NELL2: variants seen among roughly 807,000 people sequenced by gnomAD.
NELL2 encodes the protein protein kinase C-binding protein NELL2.
In NELL2, 41 loss-of-function variants were observed where a neutral mutation model predicts 109.6. The observed-to-expected ratio is 0.37, with a 90% confidence interval of 0.29 to 0.49. The LOEUF (loss-of-function observed/expected upper bound fraction) is 0.49, where lower values mean the gene tolerates loss of function less well. Ranked by LOEUF, NELL2 falls within the 20% of genes least tolerant of loss-of-function variation. NELL2 has a pLI of 0.98. For missense variants in NELL2, 900 were observed against 1,008.3 expected (o/e 0.89, Z 1.45); for synonymous variants, 355 against 344.7 (o/e 1.03, Z -0.33).
At position 44,736,114 on chromosome 12, in the gene NELL2, C is replaced by T. The variant is rs113241759; in HGVS notation, c.995-21373G>A. 9.3e-5 allele frequency among the ~76,000 whole-genome samples: 14 copies of T among 151,028 alleles called. No individual in the cohort carries two copies. The East Asian group carries it at 9.8e-4, about 11-fold the overall frequency. On this transcript the variant is annotated intron_variant, in intron 9 of 19. Transcript: ENST00000429094. ...CAAGCTCCGCCTCCCGGGTTCACGCCATTCTCCTGCCTCAGCCTCCCGAGT... is the reference window on the plus strand; with the variant it reads ...CAAGCTCCGCCTCCCGGGTTCACGCTATTCTCCTGCCTCAGCCTCCCGAGT...
At chr12:44,894,464 A>G (rs762820232) in intron 1 of NELL2, among the ~76,000 whole-genome samples, 1 of 152,224 alleles carries the variant, frequency 6.6e-6, no homozygotes, top group Non-Finnish European at 1.5e-5. Flanking sequence ...TTCAAACTCC[A>G]TCTTTAATCT....
intron 9 of NELL2, among the ~76,000 whole-genome samples, chr12:44,721,566 AG>A (rs1938773103): frequency 6.6e-6 from 1 of 152,184 alleles, no homozygotes; most frequent in African/African-American, 2.4e-5. Context: ...CCACCAACCC[AG>A]TGAATTTGGT....
chr12:44,887,636 T>TTGTGTGTGTGTGTGTG (rs141640366), intron 1 of NELL2, among the ~76,000 whole-genome samples: 45 of 149,236 alleles, frequency 3.0e-4, no homozygotes, highest in African/African-American at 1.1e-3. Context: ...GGGGGGATTA[T>TTGTGTGTGTGTGTGTG]TGTGTGTGTG....
intron 13 of NELL2, among the ~76,000 whole-genome samples, chr12:44,620,110 G>T (rs866312814): frequency 1.4e-5 from 2 of 144,252 alleles, no homozygotes; most frequent in South Asian, 4.4e-4. Context: ...ATTCTTGTTC[G>T]CCTGGGTTTT....
At chr12:44,526,271 G>A (rs1487454183) in intron 16 of NELL2, among the ~76,000 whole-genome samples, 2 of 152,102 alleles carry the variant, frequency 1.3e-5, no homozygotes, top group Non-Finnish European at 2.9e-5. Context: ...CTTGGTTCAG[G>A]CAAAAGATGA....
chr12:44,774,647 C>G, intron 9 of NELL2, 100 bp downstream of exon 9: 2 of 908,978 alleles, frequency 2.2e-6, no homozygotes, highest in Non-Finnish European at 3.6e-6. Context: ...CTTCTGAAAG[C>G]TATTTAGCTT....
rs189324585 is a variant in NELL2 at position 44,892,572 on chromosome 12, C to A, written c.39-16672G>T. 1.7e-3 allele frequency among the ~76,000 whole-genome samples: 258 copies of A among 151,986 alleles called. 1 individual carries two copies. The highest frequency in any genetic ancestry group is 5.7e-3 in the African/African-American group (238 of 41,466). The stretch of plus-strand genomic sequence containing the variant: ...CAGCACTTTGGGAGGCCGAGGCAGG[C>A]AGATCACGAGGTCAGGAGATCAAGA... On this transcript the variant is annotated intron_variant, in intron 1 of 20. Transcript: ENST00000333837.
At chr12:44,853,735 T>C (rs1458961440) in intron 2 of NELL2, among the ~76,000 whole-genome samples, 1 of 152,216 alleles carries the variant, frequency 6.6e-6, no homozygotes, top group African/African-American at 2.4e-5. Context: ...ATATGAATGA[T>C]AGTGTCATAA....
intron 9 of NELL2, among the ~76,000 whole-genome samples, chr12:44,741,097 G>C (rs617006): frequency 0.71 from 107,419 of 151,954 alleles, 38,217 homozygotes; most frequent in Non-Finnish European, 0.74. Flanking sequence ...ACAGCTGGAC[G>C]AACTCTTCCT....
intron 2 of NELL2, among the ~76,000 whole-genome samples, chr12:44,863,103 C>T (rs1175283504): frequency 2.6e-5 from 4 of 151,950 alleles, no homozygotes; most frequent in Non-Finnish European, 4.4e-5. Flanking sequence ...TAGCCCCCCA[C>T]CCCACGACAG....
At chr12:44,687,799 A>C (rs1404688557) in intron 12 of NELL2, among the ~76,000 whole-genome samples, 1 of 152,234 alleles carries the variant, frequency 6.6e-6, no homozygotes, top group East Asian at 1.9e-4. Flanking sequence ...AGACTTTTTA[A>C]ATCAATTAGA....
intron 1 of NELL2, among the ~76,000 whole-genome samples, chr12:44,886,962 A>G (rs1220525113): frequency 2.0e-5 from 3 of 151,780 alleles, no homozygotes; most frequent in Non-Finnish European, 4.4e-5. Context: ...ATTACCTCCT[A>G]TTTACTGAAT....
chr12:44,620,121 GT>G (rs147103574), intron 13 of NELL2, among the ~76,000 whole-genome samples: 13,134 of 134,320 alleles, frequency 0.098, 583 homozygotes, highest in Non-Finnish European at 0.12. Flanking sequence ...CCTGGGTTTT[GT>G]TTTTTTTTTT....
intron 3 of NELL2, among the ~76,000 whole-genome samples, chr12:44,795,196 G>C (rs1942575988): frequency 6.6e-6 from 1 of 152,108 alleles, no homozygotes; most frequent in African/African-American, 2.4e-5. Context: ...AGCCTAAATA[G>C]GAAAATGATC....
intron 12 of NELL2, among the ~76,000 whole-genome samples, chr12:44,667,185 A>G (rs1331835307): frequency 6.6e-6 from 1 of 152,236 alleles, no homozygotes; most frequent in Admixed American, 6.5e-5. Flanking sequence ...ATTATCTATT[A>G]GTGTTTCTTA....
intron 12 of NELL2, among the ~76,000 whole-genome samples, chr12:44,677,474 T>C (rs561143217): frequency 3.5e-4 from 54 of 152,260 alleles, no homozygotes; most frequent in African/African-American, 1.1e-3. Context: ...TTTCCAGACA[T>C]ATTCTATGCC....
chr12:44,834,813 G>GA (rs1388811797), intron 2 of NELL2, among the ~76,000 whole-genome samples: 1 of 152,184 alleles, frequency 6.6e-6, no homozygotes, highest in Admixed American at 6.5e-5. Context: ...GGCAGGCAGG[G>GA]ACTGATCAAC....
At chr12:44,695,562 T>C (rs1050326673) in intron 12 of NELL2, among the ~76,000 whole-genome samples, 3 of 152,066 alleles carry the variant, frequency 2.0e-5, no homozygotes, top group Non-Finnish European at 4.4e-5. Context: ...CCGGGCATGA[T>C]GGCACAGTGA....
intron 15 of NELL2, among the ~76,000 whole-genome samples, chr12:44,587,967 T>A (rs78563308): frequency 4.9e-4 from 75 of 152,064 alleles, no homozygotes; most frequent in Non-Finnish European, 4.1e-4. Context: ...CTGGCTAACA[T>A]GGTGAAACCC....
Sources: gnomAD v4.1 joint callset for allele counts (sites outside exome capture counted in the v4.1 genomes callset) on GRCh38, gnomAD v4.1.1 for gene constraint, MANE v1.5 for transcripts, NCBI Gene and HGNC (gene_info 2026-07-23, HGNC 2026-07-21) for gene names.